MYSM1: variants seen among roughly 807,000 people sequenced by gnomAD.
MYSM1 encodes the protein deubiquitinase MYSM1.
A neutral mutation model predicts 116.0 loss-of-function variants in MYSM1; 51 were observed. The observed-to-expected ratio is 0.44, with a 90% CI of 0.35 to 0.56. MYSM1 has a LOEUF of 0.56. MYSM1 is among the 20% of genes least tolerant of loss of function. The pLI is 0.00. For missense variants in MYSM1, 900 were observed against 974.9 expected, an observed-to-expected ratio of 0.92 and a Z score of 1.02; for synonymous variants, 313 against 315.2, an observed-to-expected ratio of 0.99 and a Z score of 0.07.
At chr1:58,694,253 G>A (rs1173622345) in intron 2 of MYSM1, among the ~76,000 whole-genome samples, 4 of 152,250 alleles carry the variant, frequency 2.6e-5, no homozygotes, top group South Asian at 2.1e-4. Flanking sequence ...TTGAGAGCAG[G>A]AACACGTCTG....
rs781097997 is a variant in MYSM1 at position 58,667,833 on chromosome 1, AAG to A, written c.1842+12_1842+13del. The A allele has an allele frequency of 1.1e-5, 17 of 1,531,840 alleles. No homozygotes were observed. Among genetic ancestry groups the A allele is most frequent in the Admixed American group, 1.7e-5 (1 of 59,662 alleles). The allele number at this position is 1,531,840 out of a possible 1,614,324, so 94.9% of individuals were successfully genotyped here. ...CTAAATAACTAAAACATTTTTTTAA[AAG>A]AGAGAACTTACTTCAACTACTTTAT... On this transcript the variant is annotated intron_variant, in intron 15 of 19. Coordinates refer to ENST00000472487, the MANE Select transcript of MYSM1 (RefSeq NM_001085487.3).
At chr1:58,669,955 G>A (rs1644536231) in intron 12 of MYSM1, among the ~76,000 whole-genome samples, 1 of 151,470 alleles carries the variant, frequency 6.6e-6, no homozygotes, top group Non-Finnish European at 1.5e-5. Context: ...GTAAAGAATT[G>A]AGGCTTGAGA....
rs202033823 is a variant in MYSM1, at chr1:58,682,290, T to C, written c.754A>G (p.Ser252Gly). Residue 252 changes from serine to glycine, a missense_variant, in exon 8 of 20, where the codon AGT becomes GGT. By Grantham distance (56) the Ser-to-Gly change is moderately conservative. This residue lies in a region of MYSM1 where 622 missense variants were observed against 623.7 expected (regional missense o/e 1.00). Transcript: ENST00000472487. ...SSDLLLDFPN[S>G]KMHETNQGEF... ...CCTTGATTGGTTTCATGCATTTTAC[T>C]ATTAGGAAAGTCTAACAAGAGATCA... 1.9e-6 allele frequency: 3 copies of C among 1,611,650 alleles called. No individual in the cohort carries two copies. Among genetic ancestry groups the C allele is most frequent in the African/African-American group, 1.3e-5 (1 of 74,942 alleles).
chr1:58,661,190 C>CAGAAT lies in MYSM1; in HGVS notation c.2303_2307dup (p.Asp770IlefsTer4). 1 of 1,613,202 alleles carries CAGAAT rather than the reference C, an allele frequency of 6.2e-7. No homozygotes were observed. Among genetic ancestry groups the CAGAAT allele is most frequent in the South Asian group, 1.1e-5 (1 of 91,052 alleles). ...CTTACTTTCTGCAAACAAGTCAGGT[C>CAGAAT]AGAATCCCGGCGAAAGATTTTATCC... is the stretch of plus-strand genomic sequence containing the variant. On this transcript the variant is annotated frameshift_variant, in exon 19 of 20. Coordinates refer to ENST00000472487, the MANE Select transcript of MYSM1 (RefSeq NM_001085487.3). LOFTEE classifies it high-confidence loss of function.
At chr1:58,671,453 A>T (rs1224654133) in intron 12 of MYSM1, among the ~76,000 whole-genome samples, 5 of 152,152 alleles carry the variant, frequency 3.3e-5, no homozygotes, top group Admixed American at 2.6e-4. Context: ...AAATCGGAAC[A>T]TTTAACTTAT....
chr1:58,675,449 G>A (rs1351060175), intron 10 of MYSM1, 28 bp downstream of exon 10: 2 of 1,508,242 alleles, frequency 1.3e-6, no homozygotes, highest in Admixed American at 1.7e-5. Context: ...GCAATGTGGA[G>A]AGATCACTGA....
At position 58,665,499 on chromosome 1, in the gene MYSM1, G is replaced by T. The variant is rs200350305; in HGVS notation, c.2164C>A (p.Arg722Ser). Residue 722 changes from arginine (R) to serine (S), a missense_variant and splice_region_variant, in exon 17 of 20, where the codon CGC (arginine) becomes AGC (serine). Around this residue, in one of 3 missense-constraint regions of MYSM1, gnomAD observed 186 missense variants for 196.2 expected, o/e 0.95. Coordinates refer to ENST00000472487, the MANE Select transcript of MYSM1 (RefSeq NM_001085487.3). ...AAAGTTATTTTTGTTGAAAACTTACGATAAGAGCCATCTGGGCTAATTTCC... is the reference window on the plus strand; with the variant it reads ...AAAGTTATTTTTGTTGAAAACTTACTATAAGAGCCATCTGGGCTAATTTCC... ...SEEISPDGSY[R>S]LPYKFEVQQM... The T allele has an allele frequency of 1.3e-4, 201 of 1,585,566 alleles. No homozygotes were observed. The highest frequency in any genetic ancestry group is 1.2e-3 in the South Asian group (100 of 85,860).
rs1277219714 is a variant in MYSM1, at chr1:58,656,455, G to C, written c.*3542C>G. The C allele has an allele frequency of 6.6e-6, 1 of 152,202 alleles. No individual in the cohort carries two copies. The highest frequency in any genetic ancestry group is 1.5e-5 in the Non-Finnish European group (1 of 68,056). The allele number at this position is 152,202 out of a possible 1,614,324, so 9.4% of individuals were successfully genotyped here. On this transcript the variant is annotated 3_prime_UTR_variant, in exon 20 of 20. Transcript: ENST00000472487. The stretch of plus-strand genomic sequence containing the variant: ...AATGGAGAGGAAAGAAAGGTAGTAG[G>C]ATGTTTCCCTTTCAAGTGTGGCACG...
At chr1:58,688,206 T>C (rs1021511450) in intron 6 of MYSM1, among the ~76,000 whole-genome samples, 1 of 151,944 alleles carries the variant, frequency 6.6e-6, no homozygotes, top group Non-Finnish European at 1.5e-5. Flanking sequence ...TATACAGATC[T>C]CATGGTGTTG....
intron 1 of MYSM1, among the ~76,000 whole-genome samples, chr1:58,698,604 A>G (rs1183140541): frequency 6.6e-6 from 1 of 152,184 alleles, no homozygotes; most frequent in African/African-American, 2.4e-5. Flanking sequence ...CATACAGCCA[A>G]TGCCCTCAGG....
rs184232996 is a variant in MYSM1, at chr1:58,683,518, T to C, written c.499-973A>G. ...TATTAAGCCATAAAAGTATCTCCCA[T>C]ACCTGCTACTACAGACATAAATATC... On this transcript the variant is annotated intron_variant, in intron 7 of 19. Coordinates refer to ENST00000472487, the MANE Select transcript of MYSM1 (RefSeq NM_001085487.3). 3.9e-3 allele frequency among the ~76,000 whole-genome samples: 592 copies of C among 152,304 alleles called. 1 individual carries two copies. The highest frequency in any genetic ancestry group is 6.6e-3 in the Non-Finnish European group (449 of 68,018).
chr1:58,684,326 G>A (rs190786034), intron 7 of MYSM1, among the ~76,000 whole-genome samples: 1 of 152,248 alleles, frequency 6.6e-6, no homozygotes, highest in East Asian at 1.9e-4. Flanking sequence ...AGCACTTTGG[G>A]AGGCCGAGGC....
rs1174029960 is a variant in MYSM1, at chr1:58,668,617, A to G, written c.1767+15T>C. ...AAATCAGAATAACTAAGTAAACACA[A>G]TAGATTATCCTTACCAAATCCATTA... On this transcript the variant is annotated intron_variant, in intron 14 of 19. Coordinates refer to ENST00000472487, the MANE Select transcript of MYSM1 (RefSeq NM_001085487.3). The G allele has an allele frequency of 6.3e-7, 1 of 1,595,614 alleles. No individual in the cohort carries two copies. The highest frequency in any genetic ancestry group is 1.1e-5 in the South Asian group (1 of 87,766).
intron 8 of MYSM1, among the ~76,000 whole-genome samples, chr1:58,679,005 T>A (rs148646562): frequency 1.8e-3 from 273 of 152,326 alleles, no homozygotes; most frequent in Non-Finnish European, 3.2e-3. Context: ...TGGAGATGAT[T>A]TAAGTACAGT....
intron 8 of MYSM1, among the ~76,000 whole-genome samples, chr1:58,680,089 G>T (rs1009913472): frequency 6.6e-6 from 1 of 150,644 alleles, no homozygotes; most frequent in Non-Finnish European, 1.5e-5. Context: ...GGACATTTTT[G>T]AGTTAGTTAT....
chr1:58,655,431 T>A lies in MYSM1; in HGVS notation c.*4566A>T, dbSNP rs1009186576. 18 of 152,134 alleles carry A rather than the reference T, an allele frequency of 1.2e-4. No homozygotes were observed. The highest frequency in any genetic ancestry group is 4.3e-4 in the African/African-American group (18 of 41,440). 9.4% of individuals were successfully genotyped at this position (152,134 alleles called of 1,614,324 possible). A position where few individuals can be genotyped will look rare whatever the true frequency, so the allele number is the denominator to read the frequency against. ...ATTTTTACCTTCTCAAACTTCTGTT[T>A]AGAGCTCTTGGCATAATCACAGCTC... On this transcript the variant is annotated 3_prime_UTR_variant, in exon 20 of 20. Coordinates refer to ENST00000472487, the MANE Select transcript of MYSM1 (RefSeq NM_001085487.3).
In MYSM1 at chr1:58,668,979, AG is replaced by A. The variant is rs779915103; in HGVS notation, c.1716+4del. ...TACTGTCATTCATTAATGCATAAAT[AG>A]TACCTGCTTTTCTTCACTAAAAAAA... On this transcript the variant is annotated splice_donor_region_variant and intron_variant, in intron 13 of 19. Transcript: ENST00000472487. 809 of 1,598,232 alleles carry A rather than the reference AG, an allele frequency of 5.1e-4. 2 individuals carry two copies. Among genetic ancestry groups the A allele is most frequent in the Non-Finnish European group, 6.5e-4 (761 of 1,172,424 alleles).
At chr1:58,695,237 G>A (rs745695398) in intron 1 of MYSM1, 30 bp from the exon 2 acceptor site, 1 of 1,381,510 alleles carries the variant, frequency 7.2e-7, no homozygotes, top group African/African-American at 1.4e-5. Flanking sequence ...GAGTATATAA[G>A]TGAAAATCAT....
chr1:58,682,916 C>T (rs985557065), intron 7 of MYSM1, among the ~76,000 whole-genome samples: 6 of 152,162 alleles, frequency 3.9e-5, no homozygotes, highest in African/African-American at 7.2e-5. Flanking sequence ...AGGATGGTCT[C>T]GATCTCCTGA....
Sources: gnomAD v4.1 joint callset for allele counts (sites outside exome capture counted in the v4.1 genomes callset) on GRCh38, gnomAD v4.1.1 for gene constraint, gnomAD v4.1.1 regional missense constraint, MANE v1.5 for transcripts, NCBI Gene and HGNC (gene_info 2026-07-23, HGNC 2026-07-21) for gene names.